Variants in CHD5 observed in about 807,000 individuals in gnomAD.
The protein encoded by CHD5 is chromodomain helicase DNA binding protein 5, also known as ATP-dependent chromatin remodeler CHD5.
Under a neutral mutation model 230.3 loss-of-function variants are expected in CHD5, and 69 were observed. That is an observed-to-expected ratio of 0.30 (90% CI 0.25 to 0.37). The LOEUF (loss-of-function observed/expected upper bound fraction) is 0.37. CHD5 is among the 10% of genes least tolerant of loss of function. CHD5 has a pLI of 1.00. For synonymous variants in CHD5, 1,064 were observed against 1,065.9 expected (o/e 1.00, Z 0.03); for missense variants, 1,827 against 2,622.8 (o/e 0.70, Z 6.63).
chr1:6,162,404 AAAAG>A (rs1349362491), intron 2 of CHD5, among the ~76,000 whole-genome samples: 2 of 151,820 alleles, frequency 1.3e-5, no homozygotes, highest in Admixed American at 1.3e-4. Context: ...AAAAGAAAAG[AAAAG>A]AAAGAAAAGA....
intron 2 of CHD5, among the ~76,000 whole-genome samples, chr1:6,159,741 C>T (rs1667137274): frequency 1.3e-5 from 2 of 152,262 alleles, no homozygotes; most frequent in South Asian, 4.1e-4. Context: ...AGGGTCTACG[C>T]CACAGGAAGC....
At chr1:6,153,338 G>A (rs954351095) in intron 5 of CHD5, among the ~76,000 whole-genome samples, 19 of 152,222 alleles carry the variant, frequency 1.2e-4, no homozygotes, top group Admixed American at 4.6e-4. Context: ...GACAGGGGCG[G>A]GCCAGGAGCC....
chr1:6,137,738 G>A (rs1666767018), intron 15 of CHD5, among the ~76,000 whole-genome samples: 1 of 152,258 alleles, frequency 6.6e-6, no homozygotes, highest in Non-Finnish European at 1.5e-5. Context: ...AAGGGACCCT[G>A]CACTTGGGGT....
chr1:6,135,678 T>G (rs1292094625), intron 17 of CHD5, among the ~76,000 whole-genome samples: 1 of 152,210 alleles, frequency 6.6e-6, no homozygotes, highest in East Asian at 1.9e-4. Context: ...CTGACTCTGA[T>G]GAGTGCCCGA....
At chr1:6,153,457 C>T (rs1358384857) in intron 5 of CHD5, among the ~76,000 whole-genome samples, 1 of 152,164 alleles carries the variant, frequency 6.6e-6, no homozygotes, top group African/African-American at 2.4e-5. Flanking sequence ...ATGGTGATGC[C>T]AGACACAGAA....
At chr1:6,111,308 T>C (rs1268971603) in intron 36 of CHD5, among the ~76,000 whole-genome samples, 9 of 143,266 alleles carry the variant, frequency 6.3e-5, no homozygotes, top group Admixed American at 2.8e-4. Context: ...CCAAGGTGGG[T>C]GGATCACTTG....
chr1:6,145,937 A>G (rs1325224659), intron 11 of CHD5, among the ~76,000 whole-genome samples: 1 of 152,180 alleles, frequency 6.6e-6, no homozygotes, highest in Non-Finnish European at 1.5e-5. Flanking sequence ...ATCAAGCACT[A>G]ACCCAGCATG....
Position 6,124,672 on chromosome 1 carries a change from G to GC in CHD5, c.4395-12_4395-11insG, listed in dbSNP as rs751880427. On this transcript the variant is annotated splice_polypyrimidine_tract_variant and intron_variant, in intron 29 of 41. Transcript: ENST00000262450. ...AGGGACACATAGGCTCTGGGGTGGG[G>GC]GGGGGGGACTGGGGCTCAGGGAGTG... The GC allele has an allele frequency of 1.8e-5, 22 of 1,223,292 alleles. No individual in the cohort carries two copies. The highest frequency in any genetic ancestry group is 2.7e-4 in the Middle Eastern group (1 of 3,740). 75.8% of individuals were successfully genotyped at this position (1,223,292 alleles called of 1,614,324 possible).
At position 6,121,393 on chromosome 1, in the gene CHD5, G is replaced by C. The variant is rs1362674108; in HGVS notation, c.4779+101C>G. On this transcript the variant is annotated intron_variant, in intron 32 of 41. Transcript: ENST00000262450. The surrounding 1 kb of genome is among the most constrained non-coding windows in gnomAD (Gnocchi z 4.5). ...TTCAGAGCCCCGAAAAGGGAGCCAGGAGGCCTGGGTTCCACCTCGCTGTAC... is the reference window on the plus strand; with the variant it reads ...TTCAGAGCCCCGAAAAGGGAGCCAGCAGGCCTGGGTTCCACCTCGCTGTAC... 1.3e-6 allele frequency: 2 copies of C among 1,483,396 alleles called. No individual in the cohort carries two copies. The highest frequency in any genetic ancestry group is 1.4e-5 in the African/African-American group (1 of 71,880). The allele number at this position is 1,483,396 out of a possible 1,614,324, so 91.9% of individuals were successfully genotyped here.
intron 7 of CHD5, among the ~76,000 whole-genome samples, chr1:6,150,298 T>C (rs1449059342): frequency 7.2e-6 from 1 of 138,074 alleles, no homozygotes; most frequent in Non-Finnish European, 1.5e-5. Flanking sequence ...AAATGGATGA[T>C]GGATGAATGG....
At chr1:6,179,716 G>A (rs1248355153) in intron 1 of CHD5, among the ~76,000 whole-genome samples, 3 of 144,142 alleles carry the variant, frequency 2.1e-5, no homozygotes, top group South Asian at 4.3e-4. Context: ...GGGGGGCCCG[G>A]ATCGCACCCC....
At chr1:6,168,604 C>T (rs946189304) in intron 1 of CHD5, among the ~76,000 whole-genome samples, 25 of 152,320 alleles carry the variant, frequency 1.6e-4, no homozygotes, top group Non-Finnish European at 2.4e-4. Context: ...CCATCACTGC[C>T]GGAGAAACGG....
At chr1:6,159,873 T>C (rs1225474107) in intron 2 of CHD5, among the ~76,000 whole-genome samples, 6 of 152,404 alleles carry the variant, frequency 3.9e-5, no homozygotes, top group South Asian at 2.1e-4. Context: ...TCAGTCATCA[T>C]TGGGCTTCTA....
intron 33 of CHD5, among the ~76,000 whole-genome samples, chr1:6,118,657 C>T (rs1666414769): frequency 6.6e-6 from 1 of 151,352 alleles, no homozygotes; most frequent in Non-Finnish European, 1.5e-5. Context: ...GTGATGGTTG[C>T]ACAACTCTGG....
chr1:6,122,724 C>CA (rs1303479882), intron 31 of CHD5, among the ~76,000 whole-genome samples: 4 of 152,168 alleles, frequency 2.6e-5, no homozygotes, highest in Non-Finnish European at 4.4e-5. Flanking sequence ...AGAAACAATC[C>CA]AAAATCTATC....
At position 6,126,049 on chromosome 1, in the gene CHD5, C is replaced by G. The variant is rs561128849; in HGVS notation, c.4079-191G>C. ...CCACCACGTTATACACTAAGGGTAC[C>G]ATGTGTACCCACACATTACACATAC... On this transcript the variant is annotated intron_variant, in intron 26 of 41. Coordinates refer to ENST00000262450, the MANE Select transcript of CHD5 (RefSeq NM_015557.3). The surrounding 1 kb of genome is among the most constrained non-coding windows in gnomAD (Gnocchi z 5.7). Among the ~76,000 whole-genome samples, 29 of 152,266 alleles carry G rather than the reference C, an allele frequency of 1.9e-4. No homozygotes were observed. The highest frequency in any genetic ancestry group is 1.6e-3 in the Admixed American group (24 of 15,294).
intron 18 of CHD5, 22 bp downstream of exon 18, chr1:6,135,208 C>T (rs1259817271): frequency 1.9e-6 from 3 of 1,613,684 alleles, no homozygotes; most frequent in East Asian, 4.5e-5. Flanking sequence ...ACAGGCTGCT[C>T]CGGGGTCAGC....
rs201975429 is a variant in CHD5 at position 6,131,646 on chromosome 1, T to C, written c.3247A>G (p.Ile1083Val). 27 of 1,602,088 alleles carry C rather than the reference T, an allele frequency of 1.7e-5. No homozygotes were observed. Among genetic ancestry groups the C allele is most frequent in the Admixed American group, 1.7e-5 (1 of 59,984 alleles). ...ATGGGGGTACCATTGAATCTGTCGA[T>C]TGCCTCCTGCCGGAGGCCCCCGGTG... Reference protein sequence around the residue: ...GITGGLRQEAIDRFNAPGAQQ... With the variant: ...GITGGLRQEAVDRFNAPGAQQ... Residue 1083 changes from isoleucine to valine, a missense_variant, in exon 21 of 42, where the codon ATC becomes GTC. This residue lies in a region of CHD5 where 81 missense variants were observed against 245.4 expected (regional missense o/e 0.33). Coordinates refer to ENST00000262450, the MANE Select transcript of CHD5 (RefSeq NM_015557.3). The surrounding 1 kb of genome is among the most constrained non-coding windows in gnomAD (Gnocchi z 5.0).
In CHD5 at chr1:6,128,759, G is replaced by A; in HGVS notation, c.3619+79C>T. Reference sequence around the variant, plus strand: ...GAGGCTGTGTGTTGGAGCGGGCAGGGACCCAAGCAAGCCCTGGATGGGTGT... The same window carrying A: ...GAGGCTGTGTGTTGGAGCGGGCAGGAACCCAAGCAAGCCCTGGATGGGTGT... On this transcript the variant is annotated intron_variant, in intron 23 of 41. Transcript: ENST00000262450. The surrounding 1 kb of genome is among the most constrained non-coding windows in gnomAD (Gnocchi z 7.8). The A allele has an allele frequency of 7.4e-7, 1 of 1,352,052 alleles. No individual in the cohort carries two copies. The highest frequency in any genetic ancestry group is 1.0e-6 in the Non-Finnish European group (1 of 958,370). The allele number at this position is 1,352,052 out of a possible 1,614,324, so 83.8% of individuals were successfully genotyped here.
Sources: gnomAD v4.1 joint callset for allele counts (sites outside exome capture counted in the v4.1 genomes callset) on GRCh38, gnomAD v4.1.1 for gene constraint, gnomAD v4.1.1 regional missense constraint, Gnocchi (gnomAD v3.1) non-coding constraint, MANE v1.5 for transcripts, NCBI Gene and HGNC (gene_info 2026-07-23, HGNC 2026-07-21) for gene names.